Variants in FHIT observed in about 807,000 individuals in gnomAD.
The protein encoded by FHIT is fragile histidine triad diadenosine triphosphatase, also known as bis(5'-adenosyl)-triphosphatase.
Under a neutral mutation model 17.9 loss-of-function variants are expected in FHIT, and 19 were observed. That is an observed-to-expected ratio of 1.06 (90% CI 0.74 to 1.56). FHIT has a LOEUF of 1.56. FHIT is among the 40% of genes most tolerant of loss of function. The probability of loss-of-function intolerance (pLI) is 0.00; values close to 1 mark genes in which losing one functional copy is unlikely to be tolerated. For synonymous variants in FHIT, 81 were observed against 69.7 expected (o/e 1.16, Z -0.81); for missense variants, 248 against 189.2 (o/e 1.31, Z -1.82).
At chr3:60,633,003 G>A (rs1188199451) in intron 4 of FHIT, among the ~76,000 whole-genome samples, 1 of 152,118 alleles carries the variant, frequency 6.6e-6, no homozygotes, top group African/African-American at 2.4e-5. Flanking sequence ...GAGTAAAAGG[G>A]GCAAGGATGG....
intron 3 of FHIT, among the ~76,000 whole-genome samples, chr3:61,001,659 G>C (rs1424071672): frequency 1.3e-5 from 2 of 152,198 alleles, no homozygotes; most frequent in African/African-American, 4.8e-5. Flanking sequence ...GAATGGGGTA[G>C]GGAATAGGTG....
chr3:60,819,528 T>C (rs1478708461), intron 4 of FHIT, among the ~76,000 whole-genome samples: 6 of 152,164 alleles, frequency 3.9e-5, no homozygotes, highest in Admixed American at 2.6e-4. Flanking sequence ...ATAGATAATA[T>C]GCCACGAGAA....
chr3:61,120,961 T>C (rs1003803743), intron 2 of FHIT, among the ~76,000 whole-genome samples: 6 of 151,628 alleles, frequency 4.0e-5, no homozygotes, highest in African/African-American at 1.2e-4. Context: ...ACAAGTATCA[T>C]AGTCAAATCA....
intron 3 of FHIT, among the ~76,000 whole-genome samples, chr3:60,933,224 G>A (rs9857057): frequency 0.6 from 91,017 of 151,900 alleles, 27,565 homozygotes; most frequent in East Asian, 0.69. Context: ...TGTATACATG[G>A]GGAGAAAATG....
chr3:59,782,062 A>G (rs5012855), intron 8 of FHIT, among the ~76,000 whole-genome samples: 6,467 of 152,274 alleles, frequency 0.042, 208 homozygotes, highest in South Asian at 0.08. Flanking sequence ...GAGACTTCCA[A>G]TTTATAGTGA....
chr3:60,025,706 A>C (rs947963224), intron 5 of FHIT, among the ~76,000 whole-genome samples: 3 of 151,834 alleles, frequency 2.0e-5, no homozygotes, highest in African/African-American at 2.4e-5. Context: ...AATCATTTAC[A>C]ACAATAAAAA....
At chr3:60,305,432 ATTC>A (rs1220105840) in intron 5 of FHIT, among the ~76,000 whole-genome samples, 1 of 149,980 alleles carries the variant, frequency 6.7e-6, no homozygotes. Flanking sequence ...AGCATTTTAA[ATTC>A]TTCTTCTCTC....
chr3:60,289,134 A>G (rs545160544), intron 5 of FHIT, among the ~76,000 whole-genome samples: 10 of 152,326 alleles, frequency 6.6e-5, no homozygotes, highest in African/African-American at 2.4e-4. Context: ...AAGAAAGAGG[A>G]GGAAAGAAGA....
chr3:60,773,783 G>T (rs1700125450), intron 4 of FHIT, among the ~76,000 whole-genome samples: 1 of 152,204 alleles, frequency 6.6e-6, no homozygotes, highest in South Asian at 2.1e-4. Context: ...TAGCTACAGA[G>T]AAATTATTGT....
rs944098022 is a variant in FHIT, at chr3:59,749,345, C to T, written c.*240G>A. The T allele has an allele frequency of 4.8e-5, 11 of 230,746 alleles. No homozygotes were observed. The highest frequency in any genetic ancestry group is 1.6e-4 in the African/African-American group (7 of 44,972). 14.3% of individuals were successfully genotyped at this position (230,746 alleles called of 1,614,324 possible). A position where few individuals can be genotyped will look rare whatever the true frequency, so the allele number is the denominator to read the frequency against. The stretch of plus-strand genomic sequence containing the variant: ...GAAGGAAGTTTAATCATAAGGCTGC[C>T]GAATAAGGAGACAGGGGGAAACCTC... On this transcript the variant is annotated 3_prime_UTR_variant, in exon 10 of 10. Coordinates refer to ENST00000492590, the MANE Select transcript of FHIT (RefSeq NM_002012.4).
chr3:60,745,392 T>C (rs1254733438), intron 4 of FHIT, among the ~76,000 whole-genome samples: 1 of 152,168 alleles, frequency 6.6e-6, no homozygotes, highest in Non-Finnish European at 1.5e-5. Flanking sequence ...GTGTGGAGAA[T>C]GCAAGGAATA....
At chr3:59,896,379 G>C (rs73839590) in intron 8 of FHIT, among the ~76,000 whole-genome samples, 3,567 of 152,258 alleles carry the variant, frequency 0.023, 119 homozygotes, top group African/African-American at 0.073. Flanking sequence ...ACTTACAAAA[G>C]AGTTGCCTAG....
At chr3:60,211,637 G>T (rs1161731588) in intron 5 of FHIT, among the ~76,000 whole-genome samples, 1 of 152,078 alleles carries the variant, frequency 6.6e-6, no homozygotes, top group Non-Finnish European at 1.5e-5. Context: ...TTTGTAGTAG[G>T]ACTGGTATCG....
chr3:59,856,871 A>T (rs1479254396), intron 8 of FHIT, among the ~76,000 whole-genome samples: 2 of 148,370 alleles, frequency 1.3e-5, no homozygotes, highest in Non-Finnish European at 1.5e-5. Flanking sequence ...CCGGCTGAGT[A>T]TTTTTTTTTT....
At chr3:60,949,006 A>C (rs1708760226) in intron 3 of FHIT, among the ~76,000 whole-genome samples, 1 of 150,554 alleles carries the variant, frequency 6.6e-6, no homozygotes, top group Admixed American at 6.6e-5. Flanking sequence ...TGCAACATTA[A>C]AAAAAAAAAC....
chr3:60,330,111 A>G (rs372526495), intron 5 of FHIT, among the ~76,000 whole-genome samples: 3 of 152,266 alleles, frequency 2.0e-5, no homozygotes, highest in East Asian at 1.9e-4. Flanking sequence ...GCAATAAAAT[A>G]TTTCCAGTCT....
At chr3:60,431,206 A>C (rs1441289255) in intron 5 of FHIT, among the ~76,000 whole-genome samples, 1 of 46,542 alleles carries the variant, frequency 2.1e-5, no homozygotes, top group Non-Finnish European at 4.9e-5. Flanking sequence ...GCAAGATTCC[A>C]TCTCAAAAGA....
chr3:59,910,453 A>G (rs1031397685), intron 8 of FHIT, among the ~76,000 whole-genome samples: 5 of 152,170 alleles, frequency 3.3e-5, no homozygotes, highest in African/African-American at 1.2e-4. Flanking sequence ...TGGGGGCCCC[A>G]AGATTTCCTT....
intron 2 of FHIT, among the ~76,000 whole-genome samples, chr3:61,050,868 T>C (rs1417898419): frequency 6.6e-6 from 1 of 152,208 alleles, no homozygotes; most frequent in African/African-American, 2.4e-5. Flanking sequence ...GGCAGATCAC[T>C]ACAGCCTGCA....
Sources: allele counts gnomAD v4.1 joint callset (sites outside exome capture counted in the v4.1 genomes callset), GRCh38; gene constraint gnomAD v4.1.1; transcripts MANE v1.5; gene names NCBI Gene and HGNC (gene_info 2026-07-23, HGNC 2026-07-21).